VPS13B: variants seen among roughly 807,000 people sequenced by gnomAD.
VPS13B encodes vacuolar protein sorting 13 homolog B, also known as intermembrane lipid transfer protein VPS13B.
VPS13B carries 285 observed loss-of-function variants against 426.4 expected under a neutral mutation model. The observed-to-expected ratio is 0.67, with a 90% CI of 0.61 to 0.74. The LOEUF (loss-of-function observed/expected upper bound fraction) is 0.74, where lower values mean the gene tolerates loss of function less well. VPS13B is among the 30% of genes least tolerant of loss of function. VPS13B has a pLI of 0.00. For missense variants in VPS13B, 4,537 were observed against 4,782.6 expected, an observed-to-expected ratio of 0.95 and a Z score of 1.51; for synonymous variants, 1,676 against 1,676.4, an observed-to-expected ratio of 1.00 and a Z score of 0.01.
intron 19 of VPS13B, among the ~76,000 whole-genome samples, chr8:99,357,844 C>T (rs570536635): frequency 7.2e-5 from 11 of 152,310 alleles, no homozygotes; most frequent in Admixed American, 6.5e-4. Flanking sequence ...TAACAATCTT[C>T]ATCAACATTA....
At chr8:99,689,641 G>A (rs891914051) in intron 35 of VPS13B, among the ~76,000 whole-genome samples, 2 of 152,174 alleles carry the variant, frequency 1.3e-5, no homozygotes, top group East Asian at 1.9e-4. Flanking sequence ...AACATAATGG[G>A]ATCCAATCTA....
At chr8:99,685,176 C>G (rs1831333349) in intron 35 of VPS13B, among the ~76,000 whole-genome samples, 1 of 152,174 alleles carries the variant, frequency 6.6e-6, no homozygotes, top group Admixed American at 6.5e-5. Flanking sequence ...ATAAATATAC[C>G]TAGGTCTTGA....
At chr8:99,648,048 T>C (rs1192312902) in intron 34 of VPS13B, among the ~76,000 whole-genome samples, 2 of 152,226 alleles carry the variant, frequency 1.3e-5, no homozygotes, top group Non-Finnish European at 2.9e-5. Flanking sequence ...TCCTGTCTTA[T>C]ACAATCAGCT....
At chr8:99,124,356 T>C (rs1024576362) in intron 8 of VPS13B, among the ~76,000 whole-genome samples, 1 of 152,214 alleles carries the variant, frequency 6.6e-6, no homozygotes, top group Non-Finnish European at 1.5e-5. Context: ...GAATATAGTT[T>C]GGTGGTTCCA....
Position 99,370,272 on chromosome 8 carries a change from A to T in VPS13B, c.2825-13936A>T, listed in dbSNP as rs191483100. On this transcript the variant is annotated intron_variant, in intron 19 of 61. Coordinates refer to ENST00000357162, the MANE Select transcript of VPS13B (RefSeq NM_152564.5). Reference sequence around the variant, plus strand: ...ATAAATGTTAATAACAAACAAGGTAATGTGATATAAAAGAATGGGAAAACC... The same window carrying T: ...ATAAATGTTAATAACAAACAAGGTATTGTGATATAAAAGAATGGGAAAACC... 8.7e-4 allele frequency among the ~76,000 whole-genome samples: 132 copies of T among 152,324 alleles called. 2 individuals carry two copies. The highest frequency in any genetic ancestry group is 1.0e-3 in the Non-Finnish European group (68 of 68,024).
intron 33 of VPS13B, among the ~76,000 whole-genome samples, chr8:99,615,550 A>C (rs1429053771): frequency 6.6e-6 from 1 of 152,238 alleles, no homozygotes; most frequent in East Asian, 1.9e-4. Context: ...TTAATTTGTA[A>C]GTTTTTAAAA....
In VPS13B at chr8:99,105,439, C is replaced by T. The variant is rs35182399; in HGVS notation, c.580+2319C>T. The stretch of plus-strand genomic sequence containing the variant: ...TGTCACCCAGGCTGAAGTGCAGTGA[C>T]GCAATCTTGGCTCACTGCAACTTCT... On this transcript the variant is annotated intron_variant, in intron 5 of 61. Transcript: ENST00000357162. Among the ~76,000 whole-genome samples the T allele has an allele frequency of 1.9e-3, 288 of 152,162 alleles. 6 individuals are homozygous for T. The East Asian group carries it at 0.038, about 20-fold the overall frequency.
At chr8:99,337,308 A>G (rs1165042346) in intron 19 of VPS13B, among the ~76,000 whole-genome samples, 1 of 146,174 alleles carries the variant, frequency 6.8e-6, no homozygotes, top group Non-Finnish European at 1.5e-5. Flanking sequence ...GTGGGAATTG[A>G]ACAATGAGAA....
intron 37 of VPS13B, among the ~76,000 whole-genome samples, chr8:99,717,760 G>T (rs570489437): frequency 2.0e-5 from 3 of 152,092 alleles, no homozygotes; most frequent in East Asian, 1.9e-4. Context: ...TTAACATTTC[G>T]TATAAATAGA....
intron 2 of VPS13B, among the ~76,000 whole-genome samples, 157 bp downstream of exon 2, chr8:99,014,092 T>C (rs941216177): frequency 6.6e-6 from 1 of 150,520 alleles, no homozygotes; most frequent in Non-Finnish European, 1.5e-5. Context: ...TTTTACACTA[T>C]TTTCTTTTTC....
intron 61 of VPS13B, among the ~76,000 whole-genome samples, chr8:99,874,383 A>C (rs1273768757): frequency 5.9e-5 from 9 of 152,178 alleles, no homozygotes; most frequent in Admixed American, 5.2e-4. Context: ...TCAAACTCTA[A>C]GGGATTCCTT....
rs191110294 is a variant in VPS13B, at chr8:99,359,321, C to T, written c.2825-24887C>T. Among the ~76,000 whole-genome samples, 953 of 152,004 alleles carry T rather than the reference C, an allele frequency of 6.3e-3. 8 individuals carry two copies. Among genetic ancestry groups the T allele is most frequent in the African/African-American group, 0.022 (894 of 41,484 alleles). On this transcript the variant is annotated intron_variant, in intron 19 of 61. Transcript: ENST00000357162. ...GTTTTGTACTTTGAACAGTTGGTTCCTTAATGTTATTGTCCATTAGCCTAT... is the reference window on the plus strand; with the variant it reads ...GTTTTGTACTTTGAACAGTTGGTTCTTTAATGTTATTGTCCATTAGCCTAT...
intron 33 of VPS13B, among the ~76,000 whole-genome samples, chr8:99,578,228 C>T (rs535160802): frequency 4.3e-4 from 65 of 152,208 alleles, no homozygotes; most frequent in Admixed American, 4.3e-3. Flanking sequence ...CATTTTGTTT[C>T]CACATTTCTC....
At chr8:99,824,128 A>AC in intron 51 of VPS13B, 150 bp downstream of exon 51, 17 of 1,000,152 alleles carry the variant, frequency 1.7e-5, no homozygotes, top group South Asian at 4.5e-5. Flanking sequence ...TAAAACCATG[A>AC]ATGTCATGGT....
chr8:99,029,714 G>C (rs1266383934), intron 2 of VPS13B, among the ~76,000 whole-genome samples: 6 of 151,758 alleles, frequency 4.0e-5, no homozygotes, highest in Non-Finnish European at 8.8e-5. Flanking sequence ...GCAGTGAGCC[G>C]AGATGGCAGC....
chr8:99,809,764 AT>A (rs1813602937), intron 44 of VPS13B, among the ~76,000 whole-genome samples: 1 of 152,092 alleles, frequency 6.6e-6, no homozygotes, highest in Admixed American at 6.6e-5. Context: ...AAATTTACTG[AT>A]TTTAGTTTCA....
At chr8:99,406,002 A>G (rs769373734) in intron 21 of VPS13B, among the ~76,000 whole-genome samples, 1 of 151,476 alleles carries the variant, frequency 6.6e-6, no homozygotes, top group Non-Finnish European at 1.5e-5. Flanking sequence ...CTGGTATCGA[A>G]CTCCTGACCT....
At chr8:99,414,669 G>T (rs1018433926) in intron 21 of VPS13B, among the ~76,000 whole-genome samples, 1 of 152,126 alleles carries the variant, frequency 6.6e-6, no homozygotes, top group South Asian at 2.1e-4. Context: ...TTTCTCCTTC[G>T]CTTATGAAGT....
intron 33 of VPS13B, among the ~76,000 whole-genome samples, chr8:99,634,263 T>G (rs1456617549): frequency 6.6e-6 from 1 of 151,986 alleles, no homozygotes; most frequent in Non-Finnish European, 1.5e-5. Flanking sequence ...CTGATAATGA[T>G]CTAGGTGTTA....
Sources: allele counts gnomAD v4.1 joint callset (sites outside exome capture counted in the v4.1 genomes callset), GRCh38; gene constraint gnomAD v4.1.1; transcripts MANE v1.5; gene names NCBI Gene and HGNC (gene_info 2026-07-23, HGNC 2026-07-21).